Variants in KLHL20 observed in about 807,000 individuals in gnomAD.
KLHL20 encodes the protein kelch-like protein 20.
Under a neutral mutation model 69.5 loss-of-function variants are expected in KLHL20, and 29 were observed. The ratio of observed to expected loss-of-function variants is 0.42; its 90% CI spans 0.31 to 0.57. KLHL20 has a LOEUF of 0.57. Ranked by LOEUF, KLHL20 falls within the 20% of genes least tolerant of loss-of-function variation. The pLI is 0.18. For missense variants in KLHL20, 419 were observed against 776.0 expected, an observed-to-expected ratio of 0.54 and a Z score of 5.47; for synonymous variants, 253 against 265.2, an observed-to-expected ratio of 0.95 and a Z score of 0.45.
At chr1:173,743,355 T>G (rs1672915066) in intron 3 of KLHL20, among the ~76,000 whole-genome samples, 1 of 152,066 alleles carries the variant, frequency 6.6e-6, no homozygotes, top group African/African-American at 2.4e-5. Flanking sequence ...TTTGCCTCAT[T>G]TACCTTGTCA....
intron 10 of KLHL20, 118 bp downstream of exon 10, chr1:173,775,960 C>T: frequency 1.3e-6 from 1 of 798,512 alleles, no homozygotes. Context: ...GGGGTATATA[C>T]CTAGCAGTAA....
intron 10 of KLHL20, among the ~76,000 whole-genome samples, chr1:173,780,076 G>T (rs879908122): frequency 3.3e-5 from 5 of 152,190 alleles, no homozygotes; most frequent in Non-Finnish European, 5.9e-5. Context: ...TCCACAATCT[G>T]AGGATAAAAG....
rs143472613 is a variant in KLHL20 at position 173,770,047 on chromosome 1, A to T, written c.1295+3758A>T. ...CTAAAAGTTCAGGAAAACTCATTTC[A>T]TGTAAAAATGAAATAGCAAAGTATT... On this transcript the variant is annotated intron_variant, in intron 8 of 11. Transcript: ENST00000209884. 2.0e-3 allele frequency among the ~76,000 whole-genome samples: 312 copies of T among 152,300 alleles called. 1 individual carries two copies. Among genetic ancestry groups the T allele is most frequent in the South Asian group, 4.1e-3 (20 of 4,832 alleles).
At chr1:173,732,448 C>T (rs1400292560) in intron 2 of KLHL20, among the ~76,000 whole-genome samples, 1 of 152,142 alleles carries the variant, frequency 6.6e-6, no homozygotes. Context: ...AAAACTCAGG[C>T]CAGTGGCATT....
chr1:173,718,517 A>G (rs563590980), intron 2 of KLHL20, among the ~76,000 whole-genome samples: 1 of 150,322 alleles, frequency 6.7e-6, no homozygotes, highest in South Asian at 2.1e-4. Flanking sequence ...TTGAACCCCA[A>G]CCTGGGCAAC....
chr1:173,754,088 G>T lies in KLHL20; in HGVS notation c.851+781G>T, dbSNP rs1421945159. ...CTTGGTGATTAAAGACATTTAGAAT[G>T]ATCCCTGATTCTAGAATGGTGGTAG... On this transcript the variant is annotated intron_variant, in intron 5 of 11. Coordinates refer to ENST00000209884, the MANE Select transcript of KLHL20 (RefSeq NM_014458.4). Among the ~76,000 whole-genome samples the T allele has an allele frequency of 2.0e-5, 3 of 152,280 alleles. No homozygotes were observed. The East Asian group carries it at 5.8e-4, about 29-fold the overall frequency.
chr1:173,748,475 C>A (rs766242455), intron 3 of KLHL20, among the ~76,000 whole-genome samples: 5 of 152,096 alleles, frequency 3.3e-5, no homozygotes, highest in Admixed American at 6.6e-5. Context: ...TTGATAGAAT[C>A]ATTATCTTAT....
intron 10 of KLHL20, among the ~76,000 whole-genome samples, chr1:173,778,776 A>G (rs1648651207): frequency 6.6e-6 from 1 of 152,116 alleles, no homozygotes; most frequent in Non-Finnish European, 1.5e-5. Flanking sequence ...AATAGCCTCT[A>G]ATTATCCTTT....
Position 173,769,202 on chromosome 1 carries a change from C to T in KLHL20, c.1295+2913C>T, listed in dbSNP as rs368722297. 8.1e-4 allele frequency among the ~76,000 whole-genome samples: 124 copies of T among 152,226 alleles called. 6 individuals are homozygous for T. In the South Asian group the frequency reaches 0.025, roughly 31 times the overall value. On this transcript the variant is annotated intron_variant, in intron 8 of 11. Transcript: ENST00000209884. ...TCCATAGCCTCTACCAACTAAGTGC[C>T]AGAAGCATGTGCCTGGTTGTGACAA...
chr1:173,782,189 G>A lies in KLHL20; in HGVS notation c.1704G>A (p.Leu568=), dbSNP rs750174722. The change falls in exon 11 of 12, where the codon TTG becomes TTA. Residue 568 remains leucine (L), a synonymous_variant. Transcript: ENST00000209884. ...AVGGFDGTTY[L]KTIEVFDPDA... Reference sequence around the variant, plus strand: ...GAGGTTTTGATGGCACAACATACTTGAAGACCATAGAAGTTTTTGATCCTG... The same window carrying A: ...GAGGTTTTGATGGCACAACATACTTAAAGACCATAGAAGTTTTTGATCCTG... The A allele has an allele frequency of 1.9e-6, 3 of 1,614,016 alleles. No homozygotes were observed. Among genetic ancestry groups the A allele is most frequent in the Non-Finnish European group, 2.5e-6 (3 of 1,179,942 alleles).
chr1:173,720,405 G>A (rs1283692067), intron 2 of KLHL20, among the ~76,000 whole-genome samples: 1 of 152,064 alleles, frequency 6.6e-6, no homozygotes, highest in Non-Finnish European at 1.5e-5. Flanking sequence ...TATATGTGGA[G>A]TATAGGGTAT....
At chr1:173,729,823 C>G (rs1394390709) in intron 2 of KLHL20, among the ~76,000 whole-genome samples, 1 of 152,162 alleles carries the variant, frequency 6.6e-6, no homozygotes, top group Non-Finnish European at 1.5e-5. Flanking sequence ...CAGGGATGCC[C>G]TCTCTCACCA....
At chr1:173,742,612 T>C (rs1449539686) in intron 3 of KLHL20, among the ~76,000 whole-genome samples, 1 of 151,646 alleles carries the variant, frequency 6.6e-6, no homozygotes, top group Non-Finnish European at 1.5e-5. Flanking sequence ...TACGTATATA[T>C]ACGTGCAGAT....
Position 173,775,798 on chromosome 1 carries a change from A to AACCAGTGGTC in KLHL20, c.1595_1604dup (p.Ala539SerfsTer10). On this transcript the variant is annotated frameshift_variant, in exon 10 of 12. Transcript: ENST00000209884. LOFTEE classifies it high-confidence loss of function. ...TGCTGAGAGATACAACCCCAGAACC[A>AACCAGTGGTC]ACCAGTGGTCTCCAGTGGTGGCCAT... 1 of 1,614,166 alleles carries AACCAGTGGTC rather than the reference A, an allele frequency of 6.2e-7. No individual in the cohort carries two copies. Among genetic ancestry groups the AACCAGTGGTC allele is most frequent in the Non-Finnish European group, 8.5e-7 (1 of 1,180,010 alleles).
At position 173,786,083 on chromosome 1, in the gene KLHL20, G is replaced by A; in HGVS notation, c.*836G>A. The A allele has an allele frequency of 6.6e-6, 1 of 152,232 alleles. No individual in the cohort carries two copies. Among genetic ancestry groups the A allele is most frequent in the East Asian group, 1.9e-4 (1 of 5,188 alleles). The allele number at this position is 152,232 out of a possible 1,614,324, so 9.4% of individuals were successfully genotyped here. A position where few individuals can be genotyped will look rare whatever the true frequency, so the allele number is the denominator to read the frequency against. The stretch of plus-strand genomic sequence containing the variant: ...ACTGACTAAAGCAACTGTCCTTCCT[G>A]TTTCCTTATTGCTACCAAGGACCAG... On this transcript the variant is annotated 3_prime_UTR_variant, in exon 12 of 12. Coordinates refer to ENST00000209884, the MANE Select transcript of KLHL20 (RefSeq NM_014458.4).
At chr1:173,783,947 C>T (rs1039310619) in intron 11 of KLHL20, among the ~76,000 whole-genome samples, 4 of 151,172 alleles carry the variant, frequency 2.6e-5, no homozygotes, top group East Asian at 1.9e-4. Flanking sequence ...TCCTGCCAAG[C>T]GCACGCCTGT....
At chr1:173,768,918 TG>T (rs776053313) in intron 8 of KLHL20, among the ~76,000 whole-genome samples, 37 of 152,128 alleles carry the variant, frequency 2.4e-4, no homozygotes, top group Non-Finnish European at 4.6e-4. Flanking sequence ...AAGAAGCAAT[TG>T]GATGTCTGAC....
chr1:173,742,351 C>G (rs537637873), intron 3 of KLHL20, among the ~76,000 whole-genome samples: 1 of 152,204 alleles, frequency 6.6e-6, no homozygotes, highest in African/African-American at 2.4e-5. Flanking sequence ...GACTCAGCTT[C>G]CTACTTCTGG....
At position 173,734,172 on chromosome 1, in the gene KLHL20, A is replaced by G; in HGVS notation, c.483A>G (p.Leu161=). The G allele has an allele frequency of 6.2e-7, 1 of 1,614,218 alleles. No homozygotes were observed. The highest frequency in any genetic ancestry group is 8.5e-7 in the Non-Finnish European group (1 of 1,180,038). The change falls in exon 3 of 12, where the codon TTA becomes TTG. Residue 161 remains leucine, a synonymous_variant. Coordinates refer to ENST00000209884, the MANE Select transcript of KLHL20 (RefSeq NM_014458.4). Reference sequence around the variant, plus strand: ...TACAGGAAGCCTGCTGTGAATTCTTAAAGAGACAATTAGATCCTTCTAACT... The same window carrying G: ...TACAGGAAGCCTGCTGTGAATTCTTGAAGAGACAATTAGATCCTTCTAACT... ...AEIQEACCEF[L]KRQLDPSNCL... is the part of the protein sequence containing the mutation.
Sources: gnomAD v4.1 joint callset for allele counts (sites outside exome capture counted in the v4.1 genomes callset) on GRCh38, gnomAD v4.1.1 for gene constraint, MANE v1.5 for transcripts, NCBI Gene and HGNC (gene_info 2026-07-23, HGNC 2026-07-21) for gene names.